The following AUTS2 variants were observed in gnomAD, a reference collection of about 807,000 sequenced individuals.
The protein encoded by AUTS2 is autism susceptibility gene 2 protein.
AUTS2 carries 17 observed loss-of-function variants against 112.4 expected under a neutral mutation model. The observed-to-expected ratio is 0.15, with a 90% confidence interval of 0.10 to 0.23. The LOEUF (loss-of-function observed/expected upper bound fraction) is 0.23, where lower values mean the gene tolerates loss of function less well. Among genes scored for constraint, AUTS2 ranks in the 10% least tolerant of loss-of-function variants. The pLI, the probability that AUTS2 is intolerant of heterozygous loss-of-function variation, is 1.00. For synonymous variants in AUTS2, 751 were observed against 702.7 expected, an observed-to-expected ratio of 1.07 and a Z score of -1.09; for missense variants, 1,510 against 1,701.6, an observed-to-expected ratio of 0.89 and a Z score of 1.98.
chr7:70,364,306 G>A (rs1210048892), intron 4 of AUTS2, among the ~76,000 whole-genome samples: 3 of 152,026 alleles, frequency 2.0e-5, no homozygotes, highest in Admixed American at 6.5e-5. Context: ...GCTCACGCCT[G>A]TAATCCCAGC....
intron 1 of AUTS2, among the ~76,000 whole-genome samples, chr7:69,726,131 C>T (rs942999550): frequency 6.6e-6 from 1 of 152,144 alleles, no homozygotes; most frequent in African/African-American, 2.4e-5. Flanking sequence ...ATGTAGCACA[C>T]TTACCCATCA....
At chr7:69,714,247 A>ATGTGTGTGTG (rs1438776720) in intron 1 of AUTS2, among the ~76,000 whole-genome samples, 16 of 42,258 alleles carry the variant, frequency 3.8e-4, no homozygotes, top group Non-Finnish European at 5.6e-4. Flanking sequence ...ATGTGTGTGT[A>ATGTGTGTGTG]TATGTGTGTG....
intron 5 of AUTS2, among the ~76,000 whole-genome samples, chr7:70,597,686 A>G (rs575376951): frequency 1.3e-5 from 2 of 152,230 alleles, no homozygotes; most frequent in Non-Finnish European, 2.9e-5. Flanking sequence ...CTCAGAGGAT[A>G]ATTACTTATA....
intron 1 of AUTS2, among the ~76,000 whole-genome samples, chr7:69,605,538 T>G (rs1459831740): frequency 2.0e-5 from 3 of 152,364 alleles, no homozygotes; most frequent in South Asian, 2.1e-4. Flanking sequence ...CCTTCTGGTT[T>G]CATATATTGC....
At chr7:70,427,982 T>C (rs937939655) in intron 4 of AUTS2, among the ~76,000 whole-genome samples, 1 of 152,226 alleles carries the variant, frequency 6.6e-6, no homozygotes, top group Admixed American at 6.5e-5. Context: ...AATGGGCTCA[T>C]TAGTGATTAC....
chr7:69,619,928 G>A (rs1001087537), intron 1 of AUTS2, among the ~76,000 whole-genome samples: 21 of 152,168 alleles, frequency 1.4e-4, no homozygotes, highest in African/African-American at 4.6e-4. Context: ...AGCTCTAGGG[G>A]AGCCATTTGG....
At chr7:69,954,210 T>C (rs780875025) in intron 2 of AUTS2, among the ~76,000 whole-genome samples, 2 of 152,214 alleles carry the variant, frequency 1.3e-5, no homozygotes, top group Non-Finnish European at 2.9e-5. Context: ...AGTATCTACC[T>C]TCTTAGCAAA....
At chr7:70,407,257 C>T (rs1794576570) in intron 4 of AUTS2, among the ~76,000 whole-genome samples, 2 of 152,122 alleles carry the variant, frequency 1.3e-5, no homozygotes, top group Non-Finnish European at 2.9e-5. Flanking sequence ...TTCTCTCTCC[C>T]CTCAAACCAA....
At chr7:69,940,898 A>C (rs1002185387) in intron 2 of AUTS2, among the ~76,000 whole-genome samples, 5 of 152,210 alleles carry the variant, frequency 3.3e-5, no homozygotes, top group African/African-American at 1.2e-4. Flanking sequence ...CTATGTTAAC[A>C]GTCAGAAGAA....
intron 4 of AUTS2, among the ~76,000 whole-genome samples, chr7:70,348,789 C>T (rs909946882): frequency 7.2e-5 from 11 of 152,148 alleles, no homozygotes; most frequent in African/African-American, 9.6e-5. Context: ...CCAGCCTGGG[C>T]GACAGAGCGA....
intron 3 of AUTS2, among the ~76,000 whole-genome samples, chr7:70,124,498 T>C (rs1805854511): frequency 6.6e-6 from 1 of 152,134 alleles, no homozygotes; most frequent in Non-Finnish European, 1.5e-5. Flanking sequence ...GGTTTTACAC[T>C]TGTCTTTAAT....
chr7:69,670,839 C>G (rs1475558967), intron 1 of AUTS2, among the ~76,000 whole-genome samples: 1 of 152,048 alleles, frequency 6.6e-6, no homozygotes, highest in Non-Finnish European at 1.5e-5. Flanking sequence ...TGTACTCCAG[C>G]CTGGGTGACT....
intron 1 of AUTS2, among the ~76,000 whole-genome samples, chr7:69,655,666 C>G (rs1795495313): frequency 1.3e-5 from 2 of 152,100 alleles, no homozygotes; most frequent in Non-Finnish European, 2.9e-5. Flanking sequence ...TGGCCCCACC[C>G]AGAGATGAGC....
intron 4 of AUTS2, among the ~76,000 whole-genome samples, chr7:70,286,460 G>A (rs1788462502): frequency 6.6e-6 from 1 of 152,216 alleles, no homozygotes; most frequent in South Asian, 2.1e-4. Flanking sequence ...AAACTGGATT[G>A]TATTTTCAAC....
chr7:69,625,222 CT>C (rs1432948082), intron 1 of AUTS2, among the ~76,000 whole-genome samples: 2 of 152,242 alleles, frequency 1.3e-5, no homozygotes, highest in Admixed American at 6.5e-5. Flanking sequence ...GCTTGCCTCT[CT>C]TTTATAGGAA....
chr7:70,107,335 CT>C (rs35066322), intron 2 of AUTS2, among the ~76,000 whole-genome samples: 17,483 of 96,532 alleles, frequency 0.18, 579 homozygotes, highest in Non-Finnish European at 0.2. Flanking sequence ...AGATGAGAAG[CT>C]TTTTTTTTTT....
At chr7:70,039,771 C>G (rs1801164799) in intron 2 of AUTS2, among the ~76,000 whole-genome samples, 1 of 152,126 alleles carries the variant, frequency 6.6e-6, no homozygotes, top group Admixed American at 6.5e-5. Context: ...TTGTATATTT[C>G]ACATGACAGT....
chr7:70,094,425 T>C (rs1303705870), intron 2 of AUTS2, among the ~76,000 whole-genome samples: 1 of 152,238 alleles, frequency 6.6e-6, no homozygotes, highest in African/African-American at 2.4e-5. Context: ...TGGCTTTGGA[T>C]TGATTCTAAA....
chr7:70,643,547 G>A (rs1285712162), intron 5 of AUTS2, among the ~76,000 whole-genome samples: 1 of 152,158 alleles, frequency 6.6e-6, no homozygotes, highest in African/African-American at 2.4e-5. Flanking sequence ...CTCCAGTCTG[G>A]CAACAGAGCG....
Sources: gnomAD v4.1 joint callset for allele counts (sites outside exome capture counted in the v4.1 genomes callset) on GRCh38, gnomAD v4.1.1 for gene constraint, MANE v1.5 for transcripts, NCBI Gene and HGNC (gene_info 2026-07-23, HGNC 2026-07-21) for gene names.